Variants in GNAL observed in about 807,000 individuals in gnomAD.
GNAL encodes G protein subunit alpha L.
A neutral mutation model predicts 55.1 loss-of-function variants in GNAL; 18 were observed. That is an observed-to-expected ratio of 0.33 (90% CI 0.23 to 0.48). The LOEUF (loss-of-function observed/expected upper bound fraction) is 0.48. Ranked by LOEUF, GNAL falls within the 20% of genes least tolerant of loss-of-function variation. The pLI is 0.99. For missense variants in GNAL, 412 were observed against 614.1 expected (o/e 0.67, Z 3.48); for synonymous variants, 253 against 237.0 (o/e 1.07, Z -0.62).
At chr18:11,827,639 A>T (rs2035280697) in intron 5 of GNAL, among the ~76,000 whole-genome samples, 1 of 141,396 alleles carries the variant, frequency 7.1e-6, no homozygotes, top group South Asian at 2.3e-4. Context: ...AAAATTAAAA[A>T]TGTCCTGTTT....
At position 11,884,994 on chromosome 18, in the gene GNAL, G is replaced by A. The variant is rs1389109029; in HGVS notation, c.*3859G>A. The stretch of plus-strand genomic sequence containing the variant: ...GGGTCATCGGTCAGCGAGGAACAAG[G>A]AGGGAAAGGTGTCTTCCTGCCCCTT... On this transcript the variant is annotated 3_prime_UTR_variant, in exon 12 of 12. Transcript: ENST00000334049. 2.3e-6 allele frequency: 3 copies of A among 1,302,852 alleles called. No homozygotes were observed. Among genetic ancestry groups the A allele is most frequent in the Admixed American group, 2.3e-5 (1 of 43,378 alleles). The allele number at this position is 1,302,852 out of a possible 1,614,324, so 80.7% of individuals were successfully genotyped here. A position where few individuals can be genotyped will look rare whatever the true frequency, so the allele number is the denominator to read the frequency against.
chr18:11,867,415 A>C (rs2036287581), intron 8 of GNAL, among the ~76,000 whole-genome samples, 189 bp downstream of exon 8: 1 of 152,182 alleles, frequency 6.6e-6, no homozygotes, highest in South Asian at 2.1e-4. Flanking sequence ...ACGGTGGCTC[A>C]CGCCCGTAAT....
At chr18:11,712,968 G>T (rs1020392039) in intron 1 of GNAL, among the ~76,000 whole-genome samples, 2 of 152,198 alleles carry the variant, frequency 1.3e-5, no homozygotes, top group South Asian at 4.1e-4. Flanking sequence ...AAGTCAACTG[G>T]GAATGACCAG....
chr18:11,801,212 T>C (rs1598471010), intron 4 of GNAL, among the ~76,000 whole-genome samples: 3 of 152,020 alleles, frequency 2.0e-5, no homozygotes, highest in African/African-American at 7.2e-5. Context: ...GAGCTTATAG[T>C]ATAGGGGGTG....
chr18:11,771,448 G>A (rs147299386), intron 4 of GNAL, among the ~76,000 whole-genome samples: 206 of 151,902 alleles, frequency 1.4e-3, no homozygotes, highest in African/African-American at 4.7e-3. Flanking sequence ...CCTGATATGT[G>A]TCAGGAACTA....
intron 4 of GNAL, among the ~76,000 whole-genome samples, chr18:11,772,571 G>A (rs989793869): frequency 2.0e-5 from 3 of 152,142 alleles, no homozygotes; most frequent in African/African-American, 7.2e-5. Flanking sequence ...AGCTGGAAGC[G>A]CACTTAGGTG....
intron 1 of GNAL, among the ~76,000 whole-genome samples, chr18:11,711,009 G>C (rs568184523): frequency 1.3e-5 from 2 of 152,190 alleles, no homozygotes; most frequent in South Asian, 4.2e-4. Flanking sequence ...CCGAGTAGCT[G>C]TGTCTACAGG....
intron 4 of GNAL, among the ~76,000 whole-genome samples, chr18:11,794,530 A>C (rs2034324698): frequency 6.6e-6 from 1 of 152,162 alleles, no homozygotes; most frequent in East Asian, 1.9e-4. Context: ...GAATAGGCAA[A>C]TGTATAGAGA....
rs993556464 is a variant in GNAL, at chr18:11,883,455, A to G, written c.*2320A>G. Reference sequence around the variant, plus strand: ...ACAACAGCCAGACTGTTAAGAAAAAAAACAAAAAGAATAACTTTTATCTGG... The same window carrying G: ...ACAACAGCCAGACTGTTAAGAAAAAGAACAAAAAGAATAACTTTTATCTGG... On this transcript the variant is annotated 3_prime_UTR_variant, in exon 12 of 12. Coordinates refer to ENST00000334049, the MANE Select transcript of GNAL (RefSeq NM_182978.4). The G allele has an allele frequency of 4.6e-5, 7 of 153,406 alleles. No homozygotes were observed. Among genetic ancestry groups the G allele is most frequent in the Non-Finnish European group, 4.4e-5 (3 of 68,024 alleles). 9.5% of individuals were successfully genotyped at this position (153,406 alleles called of 1,614,324 possible).
chr18:11,742,516 G>A (rs1341781268), intron 1 of GNAL, among the ~76,000 whole-genome samples: 2 of 152,206 alleles, frequency 1.3e-5, no homozygotes, highest in Non-Finnish European at 2.9e-5. Flanking sequence ...TTCGGCATCC[G>A]CTATGCTGCA....
At chr18:11,771,227 A>G (rs975387177) in intron 4 of GNAL, among the ~76,000 whole-genome samples, 2 of 151,860 alleles carry the variant, frequency 1.3e-5, no homozygotes, top group African/African-American at 2.4e-5. Context: ...AAAAAAAAAA[A>G]AAAAGAAAAA....
chr18:11,734,201 T>C (rs1329440146), intron 1 of GNAL, among the ~76,000 whole-genome samples: 1 of 151,002 alleles, frequency 6.6e-6, no homozygotes, highest in Non-Finnish European at 1.5e-5. Context: ...TGGAGTGCAG[T>C]GGCGCGATCT....
intron 4 of GNAL, among the ~76,000 whole-genome samples, chr18:11,770,215 A>G (rs1159793944): frequency 1.3e-5 from 2 of 152,184 alleles, no homozygotes; most frequent in African/African-American, 2.4e-5. Context: ...GAAGCATTAT[A>G]TTAATTTTTG....
intron 4 of GNAL, among the ~76,000 whole-genome samples, chr18:11,763,539 G>A (rs1191116011): frequency 6.6e-6 from 1 of 152,038 alleles, no homozygotes; most frequent in Non-Finnish European, 1.5e-5. Context: ...ACCATGCCTG[G>A]CTAATTTTTG....
At chr18:11,717,444 G>A (rs1227077990) in intron 1 of GNAL, among the ~76,000 whole-genome samples, 1 of 152,242 alleles carries the variant, frequency 6.6e-6, no homozygotes, top group Non-Finnish European at 1.5e-5. Context: ...GGCTGTGAGG[G>A]CTGCCAGCAC....
intron 5 of GNAL, among the ~76,000 whole-genome samples, chr18:11,831,384 G>T (rs1240338446): frequency 6.6e-6 from 1 of 152,012 alleles, no homozygotes; most frequent in Non-Finnish European, 1.5e-5. Flanking sequence ...CTTCATACTT[G>T]ACCCACCGAA....
At chr18:11,769,895 C>A (rs564887662) in intron 4 of GNAL, among the ~76,000 whole-genome samples, 2 of 152,070 alleles carry the variant, frequency 1.3e-5, no homozygotes, top group Non-Finnish European at 2.9e-5. Flanking sequence ...GCACAAAATA[C>A]GTAAATGATG....
At chr18:11,865,059 C>T (rs550654245) in intron 7 of GNAL, among the ~76,000 whole-genome samples, 2 of 152,198 alleles carry the variant, frequency 1.3e-5, no homozygotes, top group South Asian at 4.1e-4. Context: ...TTTCCATCCT[C>T]ATAGCTATCA....
At chr18:11,783,445 T>C (rs1389504006) in intron 4 of GNAL, among the ~76,000 whole-genome samples, 1 of 152,128 alleles carries the variant, frequency 6.6e-6, no homozygotes, top group African/African-American at 2.4e-5. Context: ...AAGAAAAAAA[T>C]TATTAAATCA....
Sources: allele counts gnomAD v4.1 joint callset (sites outside exome capture counted in the v4.1 genomes callset), GRCh38; gene constraint gnomAD v4.1.1; transcripts MANE v1.5; gene names NCBI Gene and HGNC (gene_info 2026-07-23, HGNC 2026-07-21).